The following CNTNAP2 variants were observed in gnomAD, a reference collection of about 807,000 sequenced individuals.
CNTNAP2 encodes contactin-associated protein-like 2.
A neutral mutation model predicts 155.2 loss-of-function variants in CNTNAP2; 98 were observed. The observed-to-expected ratio is 0.63, with a 90% CI of 0.54 to 0.75. The LOEUF (loss-of-function observed/expected upper bound fraction) is 0.75. Among genes scored for constraint, CNTNAP2 ranks in the 30% least tolerant of loss-of-function variants. The probability of loss-of-function intolerance (pLI) is 0.00; values close to 1 mark genes in which losing one functional copy is unlikely to be tolerated. For missense variants in CNTNAP2, 1,727 were observed against 1,688.1 expected, an observed-to-expected ratio of 1.02 and a Z score of -0.40; for synonymous variants, 651 against 631.2, an observed-to-expected ratio of 1.03 and a Z score of -0.47.
chr7:148,079,355 C>T (rs972192210), intron 15 of CNTNAP2, among the ~76,000 whole-genome samples: 1 of 152,100 alleles, frequency 6.6e-6, no homozygotes, highest in Admixed American at 6.6e-5. Context: ...CATGATGTTG[C>T]CCAGATGTCC....
intron 9 of CNTNAP2, among the ~76,000 whole-genome samples, chr7:147,359,517 TA>T (rs1449517194): frequency 6.6e-6 from 1 of 151,992 alleles, no homozygotes; most frequent in Non-Finnish European, 1.5e-5. Flanking sequence ...ATTTTACTAC[TA>T]AAGAAGTCAC....
intron 1 of CNTNAP2, among the ~76,000 whole-genome samples, chr7:146,430,942 G>C (rs868394294): frequency 2.0e-5 from 3 of 151,994 alleles, no homozygotes; most frequent in African/African-American, 7.2e-5. Context: ...AGACATAGCA[G>C]ATGTTCTGTT....
intron 13 of CNTNAP2, among the ~76,000 whole-genome samples, chr7:147,703,143 A>T (rs540281888): frequency 4.5e-4 from 68 of 152,182 alleles, no homozygotes; most frequent in African/African-American, 1.4e-3. Context: ...ACCCTTCTCC[A>T]TACACCAACC....
At chr7:147,719,057 G>A (rs1008321405) in intron 13 of CNTNAP2, among the ~76,000 whole-genome samples, 2 of 152,102 alleles carry the variant, frequency 1.3e-5, no homozygotes, top group Non-Finnish European at 2.9e-5. Context: ...AATATTTTGT[G>A]ATTGTCTTGC....
intron 21 of CNTNAP2, among the ~76,000 whole-genome samples, chr7:148,302,813 C>CTTTTTTTTTTTT (rs59354674): frequency 3.5e-5 from 3 of 86,914 alleles, no homozygotes; most frequent in African/African-American, 4.6e-5. Flanking sequence ...CTCGATTATT[C>CTTTTTTTTTTTT]TTTTTTTTTT....
intron 4 of CNTNAP2, among the ~76,000 whole-genome samples, chr7:147,089,450 G>A (rs1479260338): frequency 6.6e-6 from 1 of 152,112 alleles, no homozygotes; most frequent in Non-Finnish European, 1.5e-5. Context: ...TCTCACATAT[G>A]TCTAAAATTT....
intron 15 of CNTNAP2, among the ~76,000 whole-genome samples, chr7:148,106,264 C>T (rs1022653458): frequency 1.3e-5 from 2 of 152,062 alleles, no homozygotes; most frequent in African/African-American, 4.8e-5. Flanking sequence ...ATAGGCATTT[C>T]TTACTGGACA....
At chr7:146,437,513 G>T (rs578083733) in intron 1 of CNTNAP2, among the ~76,000 whole-genome samples, 4 of 151,220 alleles carry the variant, frequency 2.6e-5, no homozygotes, top group South Asian at 4.1e-4. Context: ...ATTCTCCCTC[G>T]CATTCATACA....
chr7:147,826,314 T>C (rs1359005228), intron 13 of CNTNAP2, among the ~76,000 whole-genome samples: 1 of 152,174 alleles, frequency 6.6e-6, no homozygotes, highest in African/African-American at 2.4e-5. Flanking sequence ...ATACTTAAAA[T>C]TTATAAGTGA....
At chr7:146,766,348 A>G (rs562403509) in intron 1 of CNTNAP2, among the ~76,000 whole-genome samples, 1 of 152,324 alleles carries the variant, frequency 6.6e-6, no homozygotes, top group African/African-American at 2.4e-5. Flanking sequence ...GATTTGGCAC[A>G]CAAAATATTG....
chr7:146,203,693 C>G (rs1798902322), intron 1 of CNTNAP2, among the ~76,000 whole-genome samples: 2 of 152,012 alleles, frequency 1.3e-5, no homozygotes, highest in South Asian at 4.1e-4. Flanking sequence ...AAGTCCCAAC[C>G]CTCTAATCCT....
chr7:146,458,089 T>TGG (rs2129123902), intron 1 of CNTNAP2, among the ~76,000 whole-genome samples: 1 of 152,028 alleles, frequency 6.6e-6, no homozygotes, highest in Admixed American at 6.6e-5. Context: ...CATTTACAAG[T>TGG]GGGAGTTAAC....
chr7:147,441,881 G>T (rs1007124278), intron 10 of CNTNAP2, among the ~76,000 whole-genome samples: 4 of 69,242 alleles, frequency 5.8e-5, no homozygotes, highest in African/African-American at 2.2e-4. Flanking sequence ...CCCTCCCTCC[G>T]TCTCTCTCTG....
chr7:147,262,450 C>T (rs1804495990), intron 8 of CNTNAP2, among the ~76,000 whole-genome samples: 1 of 152,144 alleles, frequency 6.6e-6, no homozygotes, highest in Non-Finnish European at 1.5e-5. Context: ...TTCGGTCTCA[C>T]TGGCATCCTT....
At chr7:148,253,086 G>C (rs1253891812) in intron 20 of CNTNAP2, among the ~76,000 whole-genome samples, 2 of 123,044 alleles carry the variant, frequency 1.6e-5, no homozygotes, top group African/African-American at 6.0e-5. Flanking sequence ...TTGATTGATA[G>C]ATGAAAAACT....
intron 13 of CNTNAP2, among the ~76,000 whole-genome samples, chr7:147,830,584 G>A (rs1798531465): frequency 6.6e-6 from 1 of 152,142 alleles, no homozygotes; most frequent in Non-Finnish European, 1.5e-5. Flanking sequence ...TATTCGCCCT[G>A]CTTTAACTTT....
intron 9 of CNTNAP2, among the ~76,000 whole-genome samples, chr7:147,387,092 C>A (rs1263506864): frequency 6.6e-6 from 1 of 152,040 alleles, no homozygotes; most frequent in Non-Finnish European, 1.5e-5. Flanking sequence ...GAAAGACCCA[C>A]CCCCATGACT....
At chr7:146,246,457 C>A (rs1405970934) in intron 1 of CNTNAP2, among the ~76,000 whole-genome samples, 3 of 149,360 alleles carry the variant, frequency 2.0e-5, no homozygotes, top group African/African-American at 7.7e-5. Flanking sequence ...GTTTAGAAGC[C>A]TGGCCGTCAA....
At chr7:148,095,541 C>A (rs1174731087) in intron 15 of CNTNAP2, among the ~76,000 whole-genome samples, 1 of 152,142 alleles carries the variant, frequency 6.6e-6, no homozygotes, top group Non-Finnish European at 1.5e-5. Context: ...CAGCTGAGAT[C>A]CTAATGAAAA....
Sources: allele counts gnomAD v4.1 joint callset (sites outside exome capture counted in the v4.1 genomes callset), GRCh38; gene constraint gnomAD v4.1.1; transcripts MANE v1.5; gene names NCBI Gene and HGNC (gene_info 2026-07-23, HGNC 2026-07-21).